GRIN2B: variants seen among roughly 807,000 people sequenced by gnomAD.
The protein encoded by GRIN2B is glutamate receptor ionotropic, NMDA 2B.
GRIN2B carries 5 observed loss-of-function variants against 114.5 expected under a neutral mutation model. The ratio of observed to expected loss-of-function variants is 0.04; its 90% CI spans 0.02 to 0.09. The LOEUF is 0.09. Among genes scored for constraint, GRIN2B ranks in the 10% least tolerant of loss-of-function variants. The probability of loss-of-function intolerance (pLI) is 1.00; values close to 1 mark genes in which losing one functional copy is unlikely to be tolerated. For synonymous variants in GRIN2B, 787 were observed against 745.1 expected (o/e 1.06, Z -0.92); for missense variants, 1,108 against 1,943.5 (o/e 0.57, Z 8.08).
intron 5 of GRIN2B, among the ~76,000 whole-genome samples, chr12:13,621,607 GTTTTTGTTTTTTTTTTTTT>G (rs1196195412): frequency 3.6e-5 from 1 of 27,692 alleles, no homozygotes; most frequent in Non-Finnish European, 7.3e-5. Context: ...AAATTGCCTA[GTTTTTGTTTTTTTTTTTTT>G]TTTTTTTTTT....
intron 3 of GRIN2B, among the ~76,000 whole-genome samples, chr12:13,841,085 C>T (rs1865370608): frequency 6.6e-6 from 1 of 152,110 alleles, no homozygotes; most frequent in Non-Finnish European, 1.5e-5. Flanking sequence ...AGCAAAGAAA[C>T]ATATTTTTCT....
intron 3 of GRIN2B, among the ~76,000 whole-genome samples, chr12:13,848,408 G>A (rs1374891497): frequency 6.6e-6 from 1 of 152,098 alleles, no homozygotes; most frequent in Non-Finnish European, 1.5e-5. Flanking sequence ...AACCCCAGCA[G>A]TGCCAGGAGC....
intron 10 of GRIN2B, among the ~76,000 whole-genome samples, chr12:13,601,121 T>C (rs2136455378): frequency 6.6e-6 from 1 of 152,290 alleles, no homozygotes; most frequent in East Asian, 1.9e-4. Flanking sequence ...GAGCTCAAAG[T>C]GCAGATTACA....
chr12:13,580,730 T>C (rs1473417592), intron 10 of GRIN2B, among the ~76,000 whole-genome samples: 4 of 152,218 alleles, frequency 2.6e-5, no homozygotes, highest in Non-Finnish European at 4.4e-5. Flanking sequence ...ACTTTTATTG[T>C]CATGAATTTT....
intron 4 of GRIN2B, among the ~76,000 whole-genome samples, chr12:13,749,588 A>T (rs1329726481): frequency 6.6e-6 from 1 of 152,242 alleles, no homozygotes; most frequent in African/African-American, 2.4e-5. Flanking sequence ...TTTATTTGCA[A>T]AGATTTCCTG....
chr12:13,943,791 C>A (rs1867309855), intron 2 of GRIN2B, among the ~76,000 whole-genome samples: 1 of 152,144 alleles, frequency 6.6e-6, no homozygotes, highest in Non-Finnish European at 1.5e-5. Flanking sequence ...CTGTCTAGCC[C>A]CTCACCTATA....
At chr12:13,597,664 T>C (rs1242060049) in intron 10 of GRIN2B, among the ~76,000 whole-genome samples, 1 of 152,188 alleles carries the variant, frequency 6.6e-6, no homozygotes, top group African/African-American at 2.4e-5. Flanking sequence ...TTGGGCCCAC[T>C]CCCACCAGGC....
chr12:13,785,695 C>T (rs1473901638), intron 3 of GRIN2B, among the ~76,000 whole-genome samples: 1 of 152,198 alleles, frequency 6.6e-6, no homozygotes, highest in Non-Finnish European at 1.5e-5. Flanking sequence ...TATGAGCTAT[C>T]ACTCTGCTAA....
chr12:13,789,107 T>C (rs1944537302), intron 3 of GRIN2B, among the ~76,000 whole-genome samples: 1 of 152,150 alleles, frequency 6.6e-6, no homozygotes, highest in Non-Finnish European at 1.5e-5. Flanking sequence ...AAAAACCTCA[T>C]TAAACAAGAG....
At chr12:13,980,410 G>A (rs1381632347) in intron 1 of GRIN2B, 54 bp from the exon 2 acceptor site, 2 of 152,140 alleles carry the variant, frequency 1.3e-5, no homozygotes, top group African/African-American at 4.8e-5. Context: ...CCCGGAGGGT[G>A]AGAAAAATGC....
rs375940899 is a variant in GRIN2B, at chr12:13,825,496, T to TTTTTTGTGTGTGTG, written c.411+40301_411+40302insCACACACACAAAAA. On this transcript the variant is annotated intron_variant, in intron 3 of 13. Transcript: ENST00000609686. The stretch of plus-strand genomic sequence containing the variant: ...TATATATAATAAATATATATATATT[T>TTTTTTGTGTGTGTG]TGTGTGTGTGTGTGTGTGTGTGTGT... Among the ~76,000 whole-genome samples the TTTTTTGTGTGTGTG allele has an allele frequency of 1.3e-3, 155 of 122,968 alleles. 1 individual carries two copies. Among genetic ancestry groups the TTTTTTGTGTGTGTG allele is most frequent in the African/African-American group, 4.5e-3 (143 of 32,092 alleles). 80.7% of individuals were successfully genotyped at this position (122,968 alleles called of 152,430 possible). A position where few individuals can be genotyped will look rare whatever the true frequency, so the allele number is the denominator to read the frequency against.
intron 5 of GRIN2B, among the ~76,000 whole-genome samples, chr12:13,641,173 G>A (rs939239357): frequency 1.3e-5 from 2 of 152,068 alleles, no homozygotes; most frequent in African/African-American, 4.8e-5. Flanking sequence ...CTGGGTTCAA[G>A]TAATTCTCTT....
intron 10 of GRIN2B, among the ~76,000 whole-genome samples, chr12:13,606,505 C>T (rs10845810): frequency 0.26 from 39,802 of 152,188 alleles, 5,875 homozygotes; most frequent in Middle Eastern, 0.44. Flanking sequence ...GATCCACCCC[C>T]GTGACCCAAA....
chr12:13,951,531 T>C (rs1565598122), intron 2 of GRIN2B, among the ~76,000 whole-genome samples: 1 of 152,234 alleles, frequency 6.6e-6, no homozygotes, highest in Admixed American at 6.5e-5. Flanking sequence ...TGTAGAAAGC[T>C]TACTGCATCC....
chr12:13,667,508 ACT>A (rs1230688622), intron 5 of GRIN2B, among the ~76,000 whole-genome samples: 1 of 152,120 alleles, frequency 6.6e-6, no homozygotes, highest in Non-Finnish European at 1.5e-5. Context: ...TAGACCACCA[ACT>A]CTGAAATTAT....
intron 3 of GRIN2B, among the ~76,000 whole-genome samples, chr12:13,818,741 A>G (rs974866221): frequency 3.3e-5 from 5 of 152,216 alleles, no homozygotes; most frequent in African/African-American, 7.2e-5. Context: ...CAGAACCATC[A>G]TGACAGAGCC....
At chr12:13,732,035 A>G (rs1286661983) in intron 4 of GRIN2B, among the ~76,000 whole-genome samples, 1 of 152,196 alleles carries the variant, frequency 6.6e-6, no homozygotes, top group African/African-American at 2.4e-5. Flanking sequence ...TGTTTCATAG[A>G]GAAAGGATTT....
Position 13,564,004 on chromosome 12 carries a change from G to A in GRIN2B, c.3234C>T (p.Ala1078=). ...VTYGNIEGNA[A]KRRKQQYKDS... ...CCTTATATTGCTGCTTACGCCTCTT[G>A]GCGGCATTGCCCTCGATGTTCCCAT... is the stretch of plus-strand genomic sequence containing the variant. Residue 1078 remains alanine, a synonymous_variant, in exon 14 of 14, where the codon GCC becomes GCT. Transcript: ENST00000609686. The surrounding 1 kb of genome is among the most constrained non-coding windows in gnomAD (Gnocchi z 4.8). The A allele has an allele frequency of 6.2e-7, 1 of 1,614,242 alleles. No homozygotes were observed. The highest frequency in any genetic ancestry group is 8.5e-7 in the Non-Finnish European group (1 of 1,180,046).
chr12:13,598,393 G>A (rs770343500), intron 10 of GRIN2B, among the ~76,000 whole-genome samples: 1 of 152,160 alleles, frequency 6.6e-6, no homozygotes, highest in Non-Finnish European at 1.5e-5. Context: ...ATCTGGTCTT[G>A]AGAAACAGAT....
Sources: allele counts gnomAD v4.1 joint callset (sites outside exome capture counted in the v4.1 genomes callset), GRCh38; gene constraint gnomAD v4.1.1; non-coding constraint Gnocchi (gnomAD v3.1); transcripts MANE v1.5; gene names NCBI Gene and HGNC (gene_info 2026-07-23, HGNC 2026-07-21).